The following SIMC1 variants were observed in gnomAD, a reference collection of about 807,000 sequenced individuals.
SIMC1 encodes the protein SUMO-interacting motif-containing protein 1.
Under a neutral mutation model 82.3 loss-of-function variants are expected in SIMC1, and 55 were observed. That is an observed-to-expected ratio of 0.67 (90% CI 0.54 to 0.84). The LOEUF (loss-of-function observed/expected upper bound fraction) is 0.84. Ranked by LOEUF, SIMC1 falls within the 40% of genes least tolerant of loss-of-function variation. The pLI, the probability that SIMC1 is intolerant of heterozygous loss-of-function variation, is 0.00. For synonymous variants in SIMC1, 353 were observed against 426.3 expected (o/e 0.83, Z 2.12); for missense variants, 915 against 1,107.2 (o/e 0.83, Z 2.46).
At chr5:176,328,197 C>T (rs77111393) in intron 7 of SIMC1, among the ~76,000 whole-genome samples, 6,501 of 152,164 alleles carry the variant, frequency 0.043, 452 homozygotes, top group African/African-American at 0.15. Flanking sequence ...CCACCAGGCC[C>T]AGCCTTATGA....
chr5:176,276,719 T>C (rs1269296455), intron 1 of SIMC1, among the ~76,000 whole-genome samples: 2 of 143,682 alleles, frequency 1.4e-5, no homozygotes, highest in Non-Finnish European at 3.1e-5. Flanking sequence ...GTTCTTGCGA[T>C]AGTTTACTGA....
intron 7 of SIMC1, among the ~76,000 whole-genome samples, chr5:176,332,906 C>G (rs1581327336): frequency 6.6e-6 from 1 of 152,272 alleles, no homozygotes; most frequent in African/African-American, 2.4e-5. Context: ...CTCTTCTTGC[C>G]TTTTTATAGC....
At chr5:176,335,379 C>T (rs1241578023) in intron 7 of SIMC1, among the ~76,000 whole-genome samples, 14 of 146,288 alleles carry the variant, frequency 9.6e-5, no homozygotes, top group South Asian at 2.2e-4. Flanking sequence ...CAGGTTCAAG[C>T]GATTCTCCTG....
chr5:176,344,864 TA>T (rs1195329003), intron 9 of SIMC1, among the ~76,000 whole-genome samples: 1 of 152,212 alleles, frequency 6.6e-6, no homozygotes, highest in African/African-American at 2.4e-5. Context: ...TACTATTGGC[TA>T]AAACATGGAC....
rs530109234 is a variant in SIMC1 at position 176,333,459 on chromosome 5, C to G, written c.2172-3261C>G. On this transcript the variant is annotated intron_variant, in intron 7 of 9. Coordinates refer to ENST00000429602, the MANE Select transcript of SIMC1 (RefSeq NM_001308195.2). ...TTGTGTTTTGTTTGAGATAGGGTCT[C>G]ACTCTGTCGCCCAGACTGGAGTCCA... Among the ~76,000 whole-genome samples, 12 of 151,750 alleles carry G rather than the reference C, an allele frequency of 7.9e-5. No homozygotes were observed. The East Asian group carries it at 2.3e-3, about 30-fold the overall frequency.
chr5:176,276,263 G>C (rs1294969657), intron 1 of SIMC1, among the ~76,000 whole-genome samples: 7 of 151,498 alleles, frequency 4.6e-5, no homozygotes, highest in Admixed American at 4.6e-4. Flanking sequence ...TTTGCATAGA[G>C]GTGTTTGTAG....
intron 4 of SIMC1, chr5:176,308,755 C>T (rs948010765): frequency 7.3e-7 from 1 of 1,370,796 alleles, no homozygotes. Flanking sequence ...TGCCTTGAAT[C>T]AGCAGTAGAG....
At chr5:176,296,947 C>T (rs923332845) in intron 4 of SIMC1, among the ~76,000 whole-genome samples, 19 of 152,128 alleles carry the variant, frequency 1.2e-4, no homozygotes, top group Non-Finnish European at 2.4e-4. Flanking sequence ...AGAGTGATGA[C>T]TGATGAGCCG....
chr5:176,253,017 C>T (rs2113126040), intron 1 of SIMC1, among the ~76,000 whole-genome samples: 1 of 152,324 alleles, frequency 6.6e-6, no homozygotes, highest in South Asian at 2.1e-4. Context: ...CGCGCGCCTG[C>T]AATCGCAGGC....
Position 176,252,633 on chromosome 5 carries a change from A to G in SIMC1, c.129+13996A>G, listed in dbSNP as rs1276380030. On this transcript the variant is annotated intron_variant, in intron 1 of 9. Coordinates refer to ENST00000429602, the MANE Select transcript of SIMC1 (RefSeq NM_001308195.2). ...TTCCTAGATGGGATGGCGGCCGGGC[A>G]GAGACGCTCCTCACTTTCCAGACTG... is the stretch of plus-strand genomic sequence containing the variant. 8.7e-5 allele frequency among the ~76,000 whole-genome samples: 13 copies of G among 149,344 alleles called. 1 individual carries two copies. Among genetic ancestry groups the G allele is most frequent in the Non-Finnish European group, 4.4e-5 (3 of 67,482 alleles).
At chr5:176,266,528 GA>G (rs1762218161) in intron 1 of SIMC1, among the ~76,000 whole-genome samples, 1 of 147,568 alleles carries the variant, frequency 6.8e-6, no homozygotes, top group Admixed American at 6.8e-5. Flanking sequence ...TTTGCAGTTC[GA>G]ATCTAGGCAG....
rs192002781 is a variant in SIMC1 at position 176,290,936 on chromosome 5, C to T, written c.1412C>T (p.Pro471Leu). 2.2e-5 allele frequency: 35 copies of T among 1,594,924 alleles called. No homozygotes were observed. Among genetic ancestry groups the T allele is most frequent in the Non-Finnish European group, 2.6e-5 (30 of 1,169,062 alleles). ...VHHLFFQTLI[P>L]DKDTRENKGQ... ...CACCTCTTCTTTCAGACGCTAATAC[C>T]GGATAAAGACACAAGAGAGGTGAGC... Residue 471 changes from proline (P) to leucine (L), a missense_variant, in exon 2 of 10, where the codon CCG (proline) becomes CTG (leucine). This residue lies in a region of SIMC1 where 902 missense variants were observed against 1,040.3 expected (regional missense o/e 0.87). Coordinates refer to ENST00000429602, the MANE Select transcript of SIMC1 (RefSeq NM_001308195.2).
chr5:176,269,625 C>T (rs1581232738), intron 1 of SIMC1, among the ~76,000 whole-genome samples: 1 of 152,298 alleles, frequency 6.6e-6, no homozygotes, highest in East Asian at 1.9e-4. Context: ...TCAAACACAA[C>T]TTAAATAGAA....
At position 176,251,872 on chromosome 5, in the gene SIMC1, A is replaced by G. The variant is rs867288177; in HGVS notation, c.129+13235A>G. 2.8e-3 allele frequency among the ~76,000 whole-genome samples: 419 copies of G among 150,356 alleles called. 1 individual carries two copies. Among genetic ancestry groups the G allele is most frequent in the Middle Eastern group, 0.01 (3 of 292 alleles). ...ATTTAACCCTGAGTGGACACAGCAC[A>G]TGTTTCAGAGAGCACAGGGTTGGGG... On this transcript the variant is annotated intron_variant, in intron 1 of 9. Coordinates refer to ENST00000429602, the MANE Select transcript of SIMC1 (RefSeq NM_001308195.2).
intron 1 of SIMC1, among the ~76,000 whole-genome samples, chr5:176,276,709 G>A (rs1762720595): frequency 7.0e-6 from 1 of 142,986 alleles, no homozygotes; most frequent in Non-Finnish European, 1.5e-5. Flanking sequence ...TTGGTTTTTT[G>A]TTCTTGCGAT....
At chr5:176,242,546 A>C (rs2560208) in intron 1 of SIMC1, among the ~76,000 whole-genome samples, 1 of 152,026 alleles carries the variant, frequency 6.6e-6, no homozygotes, top group Non-Finnish European at 1.5e-5. Context: ...GAGTTTTCCA[A>C]ATTGTTATAA....
intron 2 of SIMC1, among the ~76,000 whole-genome samples, chr5:176,293,645 G>T (rs533264605): frequency 5.9e-5 from 9 of 152,188 alleles, no homozygotes; most frequent in African/African-American, 1.9e-4. Flanking sequence ...CTACTTGGGA[G>T]GCTGAGGTGG....
At chr5:176,293,748 A>G (rs1424548450) in intron 2 of SIMC1, among the ~76,000 whole-genome samples, 1 of 87,364 alleles carries the variant, frequency 1.1e-5, no homozygotes, top group South Asian at 3.1e-4. Context: ...ACTTCATCTC[A>G]AAAAAAAAAA....
chr5:176,329,160 G>A (rs182128910), intron 7 of SIMC1, among the ~76,000 whole-genome samples: 189 of 152,094 alleles, frequency 1.2e-3, no homozygotes, highest in African/African-American at 4.2e-3. Context: ...TTTTATGACC[G>A]TCACCGCAGT....
Sources: allele counts gnomAD v4.1 joint callset (sites outside exome capture counted in the v4.1 genomes callset), GRCh38; gene constraint gnomAD v4.1.1; regional missense constraint gnomAD v4.1.1; transcripts MANE v1.5; gene names NCBI Gene and HGNC (gene_info 2026-07-23, HGNC 2026-07-21).